The following DSCAM variants were observed in gnomAD, a reference collection of about 807,000 sequenced individuals.
The protein encoded by DSCAM is cell adhesion molecule DSCAM.
A neutral mutation model predicts 217.7 loss-of-function variants in DSCAM; 47 were observed. That is an observed-to-expected ratio of 0.22 (90% confidence interval 0.17 to 0.28). DSCAM has a LOEUF of 0.28. DSCAM is among the 10% of genes least tolerant of loss of function. The probability of loss-of-function intolerance (pLI) is 1.00; values close to 1 mark genes in which losing one functional copy is unlikely to be tolerated. For synonymous variants in DSCAM, 1,056 were observed against 1,015.3 expected (o/e 1.04, Z -0.76); for missense variants, 2,080 against 2,618.3 (o/e 0.79, Z 4.49).
chr21:40,046,190 T>A (rs935924012), intron 30 of DSCAM, among the ~76,000 whole-genome samples: 2 of 152,232 alleles, frequency 1.3e-5, no homozygotes, highest in Non-Finnish European at 2.9e-5. Flanking sequence ...GTGCAATGAC[T>A]TTGTTTTTAA....
intron 3 of DSCAM, among the ~76,000 whole-genome samples, chr21:40,435,051 G>A (rs1451882619): frequency 6.6e-6 from 1 of 152,158 alleles, no homozygotes; most frequent in Non-Finnish European, 1.5e-5. Flanking sequence ...TAATGGAATC[G>A]ATCAGTGATA....
At chr21:40,781,915 G>A (rs1307373974) in intron 1 of DSCAM, among the ~76,000 whole-genome samples, 3 of 150,152 alleles carry the variant, frequency 2.0e-5, no homozygotes, top group East Asian at 2.0e-4. Context: ...TTGGGAGGCC[G>A]AGGTGGGCGG....
At chr21:40,530,817 C>T (rs1407415270) in intron 3 of DSCAM, among the ~76,000 whole-genome samples, 2 of 152,046 alleles carry the variant, frequency 1.3e-5, no homozygotes, top group Admixed American at 6.6e-5. Context: ...TCACTCTGTC[C>T]ACATCCGTGG....
chr21:40,365,582 C>T (rs887393083), intron 4 of DSCAM, among the ~76,000 whole-genome samples: 2 of 151,986 alleles, frequency 1.3e-5, no homozygotes, highest in Non-Finnish European at 2.9e-5. Flanking sequence ...TAATTCTGTC[C>T]CCCTAAAGAA....
chr21:40,778,675 G>A (rs894578322), intron 1 of DSCAM, among the ~76,000 whole-genome samples: 2 of 152,140 alleles, frequency 1.3e-5, no homozygotes, highest in Non-Finnish European at 2.9e-5. Flanking sequence ...ATGATAAAGT[G>A]TGACAAATAG....
intron 3 of DSCAM, among the ~76,000 whole-genome samples, chr21:40,514,338 A>G (rs1421908729): frequency 1.3e-5 from 2 of 152,196 alleles, no homozygotes; most frequent in African/African-American, 4.8e-5. Context: ...GAAAATGAAC[A>G]AGGCCATCTT....
intron 1 of DSCAM, among the ~76,000 whole-genome samples, chr21:40,834,295 T>C (rs951439426): frequency 6.6e-6 from 1 of 151,498 alleles, no homozygotes; most frequent in Non-Finnish European, 1.5e-5. Context: ...TAGTCCCAGC[T>C]ACTCGCCAGG....
chr21:40,819,334 G>A (rs995584515), intron 1 of DSCAM, among the ~76,000 whole-genome samples: 2 of 152,156 alleles, frequency 1.3e-5, no homozygotes, highest in African/African-American at 4.8e-5. Flanking sequence ...ACCCAGGCAG[G>A]GGAGCTTTTC....
chr21:40,731,720 C>T (rs532681305), intron 1 of DSCAM, among the ~76,000 whole-genome samples: 1 of 145,872 alleles, frequency 6.9e-6, no homozygotes, highest in Non-Finnish European at 1.5e-5. Context: ...TTACCTCCTT[C>T]CCACTGCACC....
intron 3 of DSCAM, among the ~76,000 whole-genome samples, chr21:40,428,516 C>T (rs1373714906): frequency 6.6e-6 from 1 of 151,956 alleles, no homozygotes; most frequent in East Asian, 1.9e-4. Flanking sequence ...GTAATCCACC[C>T]GCCTCAGCCT....
chr21:40,326,427 C>G (rs1022850297), intron 8 of DSCAM, among the ~76,000 whole-genome samples: 1 of 152,166 alleles, frequency 6.6e-6, no homozygotes, highest in South Asian at 2.1e-4. Flanking sequence ...GTGTGTCCTT[C>G]AAAGGAAAGG....
intron 1 of DSCAM, among the ~76,000 whole-genome samples, chr21:40,752,289 T>C (rs1487080173): frequency 6.6e-6 from 1 of 152,126 alleles, no homozygotes; most frequent in Non-Finnish European, 1.5e-5. Context: ...GCTCACCTCT[T>C]CCTCCTGACT....
chr21:40,235,275 C>A (rs576068637), intron 11 of DSCAM, among the ~76,000 whole-genome samples: 1 of 152,088 alleles, frequency 6.6e-6, no homozygotes, highest in African/African-American at 2.4e-5. Context: ...ATCAGTTAAC[C>A]GTATGGTCCA....
chr21:40,480,574 G>A (rs777331102), intron 3 of DSCAM, among the ~76,000 whole-genome samples: 10 of 152,138 alleles, frequency 6.6e-5, no homozygotes, highest in South Asian at 6.2e-4. Context: ...TATCTCTCAC[G>A]TACATTCTGT....
chr21:40,322,730 AGCC>A (rs1346944142), intron 8 of DSCAM, among the ~76,000 whole-genome samples: 1 of 152,100 alleles, frequency 6.6e-6, no homozygotes, highest in Non-Finnish European at 1.5e-5. Context: ...TCACCATGTT[AGCC>A]AGGCTGGTCT....
rs2075740979 is a variant in DSCAM at position 40,453,731 on chromosome 21, T to C, written c.509-84486A>G. 3.3e-5 allele frequency among the ~76,000 whole-genome samples: 5 copies of C among 152,340 alleles called. No individual in the cohort carries two copies. The South Asian group carries it at 1.0e-3, about 32-fold the overall frequency. On this transcript the variant is annotated intron_variant, in intron 3 of 32. Coordinates refer to ENST00000400454, the MANE Select transcript of DSCAM (RefSeq NM_001389.5). Reference sequence around the variant, plus strand: ...ATAATATTCAATTAAGAAACATTTATATTGAAATGCTTGAAGCACTGAGGT... The same window carrying C: ...ATAATATTCAATTAAGAAACATTTACATTGAAATGCTTGAAGCACTGAGGT...
At chr21:40,412,687 G>A (rs117420326) in intron 3 of DSCAM, among the ~76,000 whole-genome samples, 1 of 152,282 alleles carries the variant, frequency 6.6e-6, no homozygotes, top group East Asian at 1.9e-4. Context: ...CATTAAGGTT[G>A]GGAAAATTTG....
intron 1 of DSCAM, among the ~76,000 whole-genome samples, chr21:40,775,968 A>G (rs1435907116): frequency 6.6e-6 from 1 of 152,186 alleles, no homozygotes; most frequent in East Asian, 1.9e-4. Flanking sequence ...ATAACCAACC[A>G]TAGTGATGTG....
intron 3 of DSCAM, among the ~76,000 whole-genome samples, chr21:40,489,618 C>T (rs2076058249): frequency 6.6e-6 from 1 of 150,900 alleles, no homozygotes; most frequent in Non-Finnish European, 1.5e-5. Flanking sequence ...ACTAAAAATA[C>T]AAAAAAATTA....
Sources: allele counts gnomAD v4.1 joint callset (sites outside exome capture counted in the v4.1 genomes callset), GRCh38; gene constraint gnomAD v4.1.1; transcripts MANE v1.5; gene names NCBI Gene and HGNC (gene_info 2026-07-23, HGNC 2026-07-21).